C3orf52: variants seen among roughly 807,000 people sequenced by gnomAD.
The protein encoded by C3orf52 is chromosome 3 open reading frame 52, also known as TPA-induced transmembrane protein.
Under a neutral mutation model 24.8 loss-of-function variants are expected in C3orf52, and 22 were observed. The ratio of observed to expected loss-of-function variants is 0.89; its 90% CI spans 0.63 to 1.27. The LOEUF (loss-of-function observed/expected upper bound fraction) is 1.27, where lower values mean the gene tolerates loss of function less well. Among genes scored for constraint, C3orf52 ranks in the 50% most tolerant of loss-of-function variants. The pLI is 0.00. For missense variants in C3orf52, 265 were observed against 260.7 expected, an observed-to-expected ratio of 1.02 and a Z score of -0.11; for synonymous variants, 93 against 100.2, an observed-to-expected ratio of 0.93 and a Z score of 0.43.
downstream of C3orf52, among the ~76,000 whole-genome samples, chr3:112,120,350 C>T (rs561126158): frequency 5.9e-5 from 9 of 152,300 alleles, no homozygotes; most frequent in East Asian, 1.3e-3. Flanking sequence ...TGAGACTATC[C>T]GAAGCATCTA....
rs565807665 is a variant in C3orf52 at position 112,107,279 on chromosome 3, G to A, written c.397-2264G>A. The stretch of plus-strand genomic sequence containing the variant: ...ATAAATATCACCTTTGCCATAGGAA[G>A]CTCAATCCAAAAGGAAGAGAAAGAC... On this transcript the variant is annotated intron_variant, in intron 3 of 5. Transcript: ENST00000264848. 9.2e-5 allele frequency among the ~76,000 whole-genome samples: 14 copies of A among 152,328 alleles called. No individual in the cohort carries two copies. In the South Asian group the frequency reaches 2.9e-3, roughly 32 times the overall value.
intron 1 of C3orf52, 39 bp from the exon 2 acceptor site, chr3:112,093,321 A>G: frequency 6.2e-7 from 1 of 1,610,348 alleles, no homozygotes; most frequent in Non-Finnish European, 8.5e-7. Flanking sequence ...GTCTGTTGCA[A>G]CACAATGACT....
At chr3:112,094,675 T>C (rs1240900612) in intron 2 of C3orf52, among the ~76,000 whole-genome samples, 3 of 152,238 alleles carry the variant, frequency 2.0e-5, no homozygotes, top group South Asian at 2.1e-4. Context: ...TTCCACATCA[T>C]TTAAAGTTCT....
At chr3:112,120,041 G>A (rs995104902), downstream of C3orf52, among the ~76,000 whole-genome samples, 34 of 152,346 alleles carry the variant, frequency 2.2e-4, no homozygotes, top group Middle Eastern at 3.4e-3. Flanking sequence ...GGGGTCAGGG[G>A]TGAATGGAGA....
intron 3 of C3orf52, among the ~76,000 whole-genome samples, chr3:112,105,614 C>T (rs2074016454): frequency 5.3e-5 from 8 of 151,048 alleles, no homozygotes; most frequent in Admixed American, 5.3e-4. Flanking sequence ...GGGTGTCTTG[C>T]AATCCAGTTC....
intron 4 of C3orf52, chr3:112,127,124 G>T (rs553726515): frequency 1.3e-6 from 1 of 799,138 alleles, no homozygotes; most frequent in Non-Finnish European, 2.1e-6. Context: ...TTAACTCTTT[G>T]TTAAAGTTAT....
chr3:112,128,167 G>A (rs778100536), intron 4 of C3orf52: 38 of 929,374 alleles, frequency 4.1e-5, no homozygotes, highest in South Asian at 1.2e-4. Flanking sequence ...TTTTCTCCCC[G>A]CAAGCGTGTT....
chr3:112,107,578 G>A (rs2074038027), intron 3 of C3orf52, among the ~76,000 whole-genome samples: 1 of 152,144 alleles, frequency 6.6e-6, no homozygotes, highest in Non-Finnish European at 1.5e-5. Flanking sequence ...CTTCTTCACT[G>A]GGTAGTGTGG....
chr3:112,133,606 C>G (rs1457995113), downstream of C3orf52: 1 of 159,586 alleles, frequency 6.3e-6, no homozygotes, highest in African/African-American at 2.4e-5. Context: ...AATATTTGAA[C>G]AGACATTTCA....
At chr3:112,105,010 GTC>G (rs1326554894) in intron 3 of C3orf52, among the ~76,000 whole-genome samples, 3 of 152,194 alleles carry the variant, frequency 2.0e-5, no homozygotes, top group African/African-American at 7.2e-5. Context: ...ATAGTAGACT[GTC>G]TATTTCAAAG....
rs754486018 is a variant in C3orf52, at chr3:112,116,992, C to T, written c.*346C>T. 7.6e-5 allele frequency: 110 copies of T among 1,447,688 alleles called. No homozygotes were observed. Among genetic ancestry groups the T allele is most frequent in the Non-Finnish European group, 9.8e-5 (105 of 1,074,538 alleles). 89.7% of individuals were successfully genotyped at this position (1,447,688 alleles called of 1,614,324 possible). On this transcript the variant is annotated 3_prime_UTR_variant, in exon 6 of 6. Transcript: ENST00000264848. ...TTTTTGAGACAGGGTCTCGTTCTGT[C>T]GCTTAGCTGGAGTGCGGTGGCGTGA...
chr3:112,122,556 A>G (rs2074220422), downstream of C3orf52: 2 of 152,202 alleles, frequency 1.3e-5, no homozygotes, highest in Admixed American at 1.3e-4. Flanking sequence ...TGGACATTTT[A>G]TTCATATTTT....
intron 4 of C3orf52, chr3:112,112,712 C>G: frequency 2.1e-6 from 1 of 482,538 alleles, no homozygotes. Context: ...CCTCTGATGG[C>G]CTCTCCCAGT....
chr3:112,120,501 G>T (rs1489256555), downstream of C3orf52, among the ~76,000 whole-genome samples: 3 of 152,202 alleles, frequency 2.0e-5, no homozygotes, highest in Admixed American at 2.0e-4. Context: ...ATTTATAGAT[G>T]CTAGTATGTA....
Position 112,093,375 on chromosome 3 carries a change from C to A in C3orf52, c.154C>A (p.Pro52Thr). Residue 52 changes from proline to threonine, a missense_variant, in exon 2 of 6, where the codon CCC becomes ACC. Pro to Thr is a conservative substitution (Grantham distance 38, BLOSUM62 -1). Coordinates refer to ENST00000264848, the MANE Select transcript of C3orf52 (RefSeq NM_024616.3). ...GCCTTTCTAGGCTAACAAGGAAAGC[C>A]CCTGGAGCTCCTGTAATAAGAATGT... Reference protein sequence around the residue: ...VPPAEANKESPWSSCNKNVVG... With the variant: ...VPPAEANKESTWSSCNKNVVG... 1 of 1,613,870 alleles carries A rather than the reference C, an allele frequency of 6.2e-7. No individual in the cohort carries two copies. The highest frequency in any genetic ancestry group is 8.5e-7 in the Non-Finnish European group (1 of 1,179,826).
At chr3:112,126,836 G>A in intron 4 of C3orf52, 1 of 655,194 alleles carries the variant, frequency 1.5e-6, no homozygotes, top group Non-Finnish European at 2.7e-6. Flanking sequence ...CATCTACTGA[G>A]GACAAAGGAC....
downstream of C3orf52, chr3:112,134,320 ACT>A (rs1242031101): frequency 6.6e-6 from 1 of 152,072 alleles, no homozygotes; most frequent in African/African-American, 2.4e-5. Flanking sequence ...TGCCACCCTG[ACT>A]CTCCATTGAG....
At chr3:112,101,677 C>T (rs1280894158) in intron 2 of C3orf52, among the ~76,000 whole-genome samples, 1 of 152,162 alleles carries the variant, frequency 6.6e-6, no homozygotes, top group Admixed American at 6.5e-5. Context: ...TTCCAGATGT[C>T]ATCACAGAAT....
chr3:112,116,618 T>G (rs555976522), intron 5 of C3orf52, 24 bp from the exon 6 acceptor site: 1 of 1,529,150 alleles, frequency 6.5e-7, no homozygotes, highest in East Asian at 2.3e-5. Flanking sequence ...CAGTAACTTT[T>G]GTTCATCTGT....
Sources: allele counts gnomAD v4.1 joint callset (sites outside exome capture counted in the v4.1 genomes callset), GRCh38; gene constraint gnomAD v4.1.1; transcripts MANE v1.5; gene names NCBI Gene and HGNC (gene_info 2026-07-23, HGNC 2026-07-21).